Variants in ST14 observed in about 807,000 individuals in gnomAD.
ST14 encodes the protein ST14 transmembrane serine protease matriptase.
ST14 carries 40 observed loss-of-function variants against 96.5 expected under a neutral mutation model. That is an observed-to-expected ratio of 0.41 (90% confidence interval 0.32 to 0.54). ST14 has a LOEUF of 0.54. ST14 is among the 20% of genes least tolerant of loss of function. ST14 has a pLI of 0.17. For synonymous variants in ST14, 506 were observed against 492.1 expected, an observed-to-expected ratio of 1.03 and a Z score of -0.37; for missense variants, 1,066 against 1,188.9, an observed-to-expected ratio of 0.90 and a Z score of 1.52.
intron 6 of ST14, 44 bp from the exon 7 acceptor site, chr11:130,190,410 C>T (rs748235363): frequency 2.5e-6 from 4 of 1,603,042 alleles, no homozygotes; most frequent in East Asian, 2.2e-5. Context: ...CAGCTCTGCC[C>T]AGCCCTGCCC....
intron 16 of ST14, among the ~76,000 whole-genome samples, chr11:130,201,804 C>G (rs1953431570): frequency 6.6e-6 from 1 of 152,228 alleles, no homozygotes; most frequent in South Asian, 2.1e-4. Flanking sequence ...CCTCCACCTC[C>G]TAGGCTGAAG....
chr11:130,190,997 G>A (rs1297436579), intron 7 of ST14, among the ~76,000 whole-genome samples: 2 of 152,258 alleles, frequency 1.3e-5, no homozygotes, highest in African/African-American at 4.8e-5. Context: ...GTTGTAAAAT[G>A]TAGGCTTTAT....
intron 16 of ST14, among the ~76,000 whole-genome samples, chr11:130,206,485 C>T (rs188261735): frequency 4.6e-5 from 7 of 152,172 alleles, no homozygotes; most frequent in Non-Finnish European, 8.8e-5. Context: ...GTGGCAGGCG[C>T]GAATGTGGTT....
chr11:130,160,331 A>C (rs1381115992), intron 1 of ST14, among the ~76,000 whole-genome samples: 1 of 152,058 alleles, frequency 6.6e-6, no homozygotes, highest in African/African-American at 2.4e-5. Context: ...TGAGTTGAAA[A>C]AAGGGGCTCC....
chr11:130,188,720 G>A lies in ST14; in HGVS notation c.369+63G>A. On this transcript the variant is annotated intron_variant, in intron 3 of 18. Transcript: ENST00000278742. This position sits in a 1 kb window ranked among gnomAD's most constrained non-coding sequence, Gnocchi z 5.4. ...GCGCTGGTGTCCCACCTGCTGGGCA[G>A]GAGGGACATGCCTCGCCTGTGCTCC... 6.2e-7 allele frequency: 1 copy of A among 1,613,404 alleles called. No homozygotes were observed. The highest frequency in any genetic ancestry group is 8.5e-7 in the Non-Finnish European group (1 of 1,179,724).
In ST14 at chr11:130,189,852, C is replaced by T. The variant is rs761217492; in HGVS notation, c.554C>T (p.Ala185Val). 15 of 1,613,770 alleles carry T rather than the reference C, an allele frequency of 9.3e-6. No homozygotes were observed. In the Admixed American group the frequency reaches 1.0e-4, roughly 11 times the overall value. Residue 185 changes from alanine to valine, a missense_variant, in exon 5 of 19, where the codon GCG (alanine) becomes GTG (valine). By Grantham distance (64) the Ala-to-Val change is moderately conservative. Coordinates refer to ENST00000278742, the MANE Select transcript of ST14 (RefSeq NM_021978.4). ...CGCGTAGTCATGCTGCCCCCGCGGGCGCGCTCCCTGAAGTCCTTTGTGGTC... is the reference window on the plus strand; with the variant it reads ...CGCGTAGTCATGCTGCCCCCGCGGGTGCGCTCCCTGAAGTCCTTTGTGGTC... Reference protein sequence around the residue: ...EERVVMLPPRARSLKSFVVTS... With the variant: ...EERVVMLPPRVRSLKSFVVTS...
rs765086490 is a variant in ST14 at position 130,188,183 on chromosome 11, G to T, written c.151G>T (p.Gly51Cys). Residue 51 changes from glycine to cysteine, a missense_variant, in exon 2 of 19, where the codon GGC (glycine) becomes TGC (cysteine). Gly to Cys is a radical substitution (Grantham distance 159). Transcript: ENST00000278742. The surrounding 1 kb of genome is among the most constrained non-coding windows in gnomAD (Gnocchi z 5.4). ...CAACGTCAAGAAGGTGGAAAAGCAT[G>T]GCCCGGGGCGCTGGGTGGTGCTGGC... is the stretch of plus-strand genomic sequence containing the variant. ...VNNVKKVEKH[G>C]PGRWVVLAAV... The T allele has an allele frequency of 1.2e-6, 2 of 1,614,220 alleles. No individual in the cohort carries two copies. The highest frequency in any genetic ancestry group is 2.2e-5 in the South Asian group (2 of 91,084).
chr11:130,201,702 C>T (rs1192998273), intron 16 of ST14, among the ~76,000 whole-genome samples: 2 of 152,270 alleles, frequency 1.3e-5, no homozygotes, highest in African/African-American at 4.8e-5. Flanking sequence ...GCTTCAGCCT[C>T]CTGAGTAGCT....
At chr11:130,167,196 G>A (rs1953048875) in intron 1 of ST14, among the ~76,000 whole-genome samples, 2 of 152,228 alleles carry the variant, frequency 1.3e-5, no homozygotes, top group Admixed American at 6.5e-5. Flanking sequence ...GGGTGACAGA[G>A]CGAGACTCTG....
rs550931605 is a variant in ST14 at position 130,191,801 on chromosome 11, G to A, written c.875+1107G>A. Among the ~76,000 whole-genome samples, 3 of 152,300 alleles carry A rather than the reference G, an allele frequency of 2.0e-5. No individual in the cohort carries two copies. In the East Asian group the frequency reaches 5.8e-4, roughly 29 times the overall value. On this transcript the variant is annotated intron_variant, in intron 7 of 18. Transcript: ENST00000278742. ...GTTTGAATAATTTCAGTAGGCTCCG[G>A]GGCATAGGAGCTGTCCCTAGTTCTC...
At chr11:130,176,904 T>C (rs1217288421) in intron 1 of ST14, among the ~76,000 whole-genome samples, 5 of 150,790 alleles carry the variant, frequency 3.3e-5, no homozygotes, top group African/African-American at 1.2e-4. Flanking sequence ...GTTCTAGTGA[T>C]TCTCCTGCTT....
chr11:130,186,041 C>G (rs1040786822), intron 1 of ST14, among the ~76,000 whole-genome samples: 6 of 152,180 alleles, frequency 3.9e-5, no homozygotes, highest in African/African-American at 1.4e-4. Context: ...CTCCCGACCT[C>G]AGATGATCCA....
Position 130,188,987 on chromosome 11 carries a change from G to C in ST14, c.440+48G>C. On this transcript the variant is annotated intron_variant, in intron 4 of 18. Transcript: ENST00000278742. This position sits in a 1 kb window ranked among gnomAD's most constrained non-coding sequence, Gnocchi z 5.4. ...GTGGGATGCACCCCAGACTGGCTGGGAGTAGGATCGGGGTACAGTGTGTGG... is the reference window on the plus strand; with the variant it reads ...GTGGGATGCACCCCAGACTGGCTGGCAGTAGGATCGGGGTACAGTGTGTGG... 1 of 1,568,118 alleles carries C rather than the reference G, an allele frequency of 6.4e-7. No individual in the cohort carries two copies. Among genetic ancestry groups the C allele is most frequent in the South Asian group, 1.2e-5 (1 of 86,240 alleles).
intron 7 of ST14, among the ~76,000 whole-genome samples, chr11:130,193,447 T>C (rs958806812): frequency 6.6e-6 from 1 of 151,798 alleles, no homozygotes; most frequent in African/African-American, 2.4e-5. Context: ...TCCTCTGTTG[T>C]GGGCATGTAT....
intron 16 of ST14, among the ~76,000 whole-genome samples, chr11:130,205,701 T>TTTTTTTG: frequency 1.3e-5 from 1 of 77,590 alleles, no homozygotes; most frequent in Non-Finnish European, 3.1e-5. Context: ...CTTTAGACGT[T>TTTTTTTG]TTTTTTTTTG....
At chr11:130,206,135 G>A (rs1953484678) in intron 16 of ST14, among the ~76,000 whole-genome samples, 1 of 152,116 alleles carries the variant, frequency 6.6e-6, no homozygotes, top group South Asian at 2.1e-4. Flanking sequence ...TTATGGCATT[G>A]ACATTTTTGA....
chr11:130,168,425 A>G (rs998049826), intron 1 of ST14, among the ~76,000 whole-genome samples: 2 of 152,194 alleles, frequency 1.3e-5, no homozygotes, highest in African/African-American at 4.8e-5. Context: ...CTGAGAGAGC[A>G]CACGAGCACC....
At chr11:130,199,359 C>G (rs1953404341) in intron 15 of ST14, among the ~76,000 whole-genome samples, 5 of 152,146 alleles carry the variant, frequency 3.3e-5, no homozygotes, top group African/African-American at 9.7e-5. Flanking sequence ...TGTGTAGACA[C>G]AGCTGTGGAG....
At chr11:130,169,085 A>G (rs1953065401) in intron 1 of ST14, among the ~76,000 whole-genome samples, 1 of 148,786 alleles carries the variant, frequency 6.7e-6, no homozygotes, top group Non-Finnish European at 1.5e-5. Flanking sequence ...TTTATATAAT[A>G]TAATGGGTTT....
Sources: allele counts gnomAD v4.1 joint callset (sites outside exome capture counted in the v4.1 genomes callset), GRCh38; gene constraint gnomAD v4.1.1; non-coding constraint Gnocchi (gnomAD v3.1); transcripts MANE v1.5; gene names NCBI Gene and HGNC (gene_info 2026-07-23, HGNC 2026-07-21).